The following NUMA1 variants were observed in gnomAD, a reference collection of about 807,000 sequenced individuals.
The protein encoded by NUMA1 is SP-H antigen.
NUMA1 carries 62 observed loss-of-function variants against 237.1 expected under a neutral mutation model. That is an observed-to-expected ratio of 0.26 (90% CI 0.21 to 0.32). The LOEUF is 0.32. Among genes scored for constraint, NUMA1 ranks in the 10% least tolerant of loss-of-function variants. NUMA1 has a pLI of 1.00. For missense variants in NUMA1, 2,533 were observed against 2,666.5 expected (o/e 0.95, Z 1.10); for synonymous variants, 1,028 against 1,066.1 (o/e 0.96, Z 0.70).
At chr11:72,047,750 A>G (rs1004406742) in intron 2 of NUMA1, 2 of 152,202 alleles carry the variant, frequency 1.3e-5, no homozygotes, top group Admixed American at 6.5e-5. Context: ...ACGAATTACA[A>G]CAGTAACAGC....
intron 3 of NUMA1, among the ~76,000 whole-genome samples, chr11:72,034,768 G>A (rs898581165): frequency 2.0e-5 from 3 of 151,932 alleles, no homozygotes; most frequent in African/African-American, 7.3e-5. Flanking sequence ...AGAGACCAGT[G>A]CTGTGATTCT....
chr11:72,008,602 C>T lies in NUMA1; in HGVS notation c.5216+86G>A, dbSNP rs748086913. ...TTCTTCTCTAAGAATAAATTTAGAT[C>T]ACATCTTATTTATCTCACTAGGATA... On this transcript the variant is annotated intron_variant, in intron 20 of 26. Coordinates refer to ENST00000393695, the MANE Select transcript of NUMA1 (RefSeq NM_006185.4). 15 of 1,399,924 alleles carry T rather than the reference C, an allele frequency of 1.1e-5. No individual in the cohort carries two copies. In the South Asian group the frequency reaches 1.5e-4, roughly 14 times the overall value. 86.7% of individuals were successfully genotyped at this position (1,399,924 alleles called of 1,614,324 possible). A position where few individuals can be genotyped will look rare whatever the true frequency, so the allele number is the denominator to read the frequency against.
At chr11:72,005,668 G>A (rs1159475756) in intron 22 of NUMA1, 2 of 501,908 alleles carry the variant, frequency 4.0e-6, no homozygotes, top group African/African-American at 4.0e-5. Flanking sequence ...TAAGGACCGG[G>A]AATTAATTCC....
At chr11:72,041,802 GGGAATCTCTCC>G (rs1203614946) in intron 2 of NUMA1, 1 of 152,392 alleles carries the variant, frequency 6.6e-6, no homozygotes, top group African/African-American at 2.4e-5. Flanking sequence ...CATTCCCCGA[GGGAATCTCTCC>G]AGCCCATACC....
intron 1 of NUMA1, 151 bp from the exon 2 acceptor site, chr11:72,070,062 G>C (rs954912333): frequency 6.6e-6 from 1 of 152,184 alleles, no homozygotes; most frequent in Non-Finnish European, 1.5e-5. Context: ...AGGTCAACGG[G>C]GTGAGTCAGT....
rs371247021 is a variant in NUMA1, at chr11:72,014,069, C to A, written c.3434G>T (p.Ser1145Ile). The A allele has an allele frequency of 2.5e-5, 41 of 1,610,772 alleles. No homozygotes were observed. The highest frequency in any genetic ancestry group is 3.5e-5 in the Non-Finnish European group (41 of 1,180,010). The change falls in exon 15 of 27, where the codon AGC becomes ATC. Residue 1145 changes from serine to isoleucine, a missense_variant. Around this residue, in one of 3 missense-constraint regions of NUMA1, gnomAD observed 1,414 missense variants for 1,508.1 expected, o/e 0.94. Coordinates refer to ENST00000393695, the MANE Select transcript of NUMA1 (RefSeq NM_006185.4). The surrounding 1 kb of genome is among the most constrained non-coding windows in gnomAD (Gnocchi z 4.6). Reference protein sequence around the residue: ...QCQKQQEQADSLERSLEAERA... With the variant: ...QCQKQQEQADILERSLEAERA... ...CTCAGCCTCGAGGCTGCGTTCCAGG[C>A]TGTCAGCCTGCTCCTGCTGCTTCTG...
At chr11:72,048,538 A>AT (rs1347939117) in intron 2 of NUMA1, among the ~76,000 whole-genome samples, 2 of 151,814 alleles carry the variant, frequency 1.3e-5, no homozygotes, top group African/African-American at 2.4e-5. Context: ...TGCCGGTCTA[A>AT]TTTTTTTTAT....
chr11:72,030,929 C>T (rs1031040024), intron 3 of NUMA1, among the ~76,000 whole-genome samples: 4 of 152,156 alleles, frequency 2.6e-5, no homozygotes, highest in African/African-American at 9.7e-5. Context: ...GATGGAATCC[C>T]TACTTTATCT....
chr11:72,004,815 G>T lies in NUMA1; in HGVS notation c.5831C>A (p.Pro1944His). 1 of 1,564,736 alleles carries T rather than the reference G, an allele frequency of 6.4e-7. No homozygotes were observed. The highest frequency in any genetic ancestry group is 1.2e-5 in the South Asian group (1 of 82,696). Residue 1944 changes from proline (P) to histidine (H), a missense_variant and splice_region_variant, in exon 24 of 27, where the codon CCT becomes CAT. Coordinates refer to ENST00000393695, the MANE Select transcript of NUMA1 (RefSeq NM_006185.4). ...LKTCYPLESR[P>H]SLSLGTITDE... ...TGTGATGGTGCCCAGGCTCAGGGAAGGCTGCATGGGTGGAAGAGGTGGTCA... is the reference window on the plus strand; with the variant it reads ...TGTGATGGTGCCCAGGCTCAGGGAATGCTGCATGGGTGGAAGAGGTGGTCA...
At position 72,014,698 on chromosome 11, in the gene NUMA1, C is replaced by G; in HGVS notation, c.2805G>C (p.Arg935=). Residue 935 remains arginine, a synonymous_variant, in exon 15 of 27, where the codon CGG becomes CGC. Coordinates refer to ENST00000393695, the MANE Select transcript of NUMA1 (RefSeq NM_006185.4). The surrounding 1 kb of genome is among the most constrained non-coding windows in gnomAD (Gnocchi z 4.6). ...CCCTCGCAGGCTCCTTGACTAACTCCCGGGAGGCTGTTTCCTGCTGCTCAC... is the reference window on the plus strand; with the variant it reads ...CCCTCGCAGGCTCCTTGACTAACTCGCGGGAGGCTGTTTCCTGCTGCTCAC... ...KAGEQQETAS[R]ELVKEPARAG... is the part of the protein sequence containing the mutation. 1 of 1,613,892 alleles carries G rather than the reference C, an allele frequency of 6.2e-7. No homozygotes were observed. The highest frequency in any genetic ancestry group is 8.5e-7 in the Non-Finnish European group (1 of 1,180,040).
At chr11:72,060,906 C>A (rs1260317967) in intron 2 of NUMA1, among the ~76,000 whole-genome samples, 2 of 151,832 alleles carry the variant, frequency 1.3e-5, no homozygotes, top group Non-Finnish European at 2.9e-5. Context: ...CCCATCTCTA[C>A]TAAAAATACA....
Position 72,024,275 on chromosome 11 carries a change from C to T in NUMA1, c.207G>A (p.Gln69=). The change falls in exon 5 of 27, where the codon CAG becomes CAA. Residue 69 remains glutamine, a splice_region_variant and synonymous_variant. Transcript: ENST00000393695. ...ERLDFVCSFL[Q]KNRKHPSSPE... is the part of the protein sequence containing the mutation. ...TAGCTGGATAAGAAAGGTGCTTACT[C>T]TGCAGAAAACTGCACACAAAGTCCA... 1 of 1,614,072 alleles carries T rather than the reference C, an allele frequency of 6.2e-7. No individual in the cohort carries two copies. Among genetic ancestry groups the T allele is most frequent in the Non-Finnish European group, 8.5e-7 (1 of 1,179,912 alleles).
chr11:72,055,097 A>G (rs184621070), intron 2 of NUMA1, among the ~76,000 whole-genome samples: 79 of 152,340 alleles, frequency 5.2e-4, no homozygotes, highest in African/African-American at 1.7e-3. Flanking sequence ...GTCAACAAAA[A>G]AAAATGAGAC....
At position 72,009,280 on chromosome 11, in the gene NUMA1, G is replaced by C. The variant is rs1346512926; in HGVS notation, c.4827C>G (p.His1609Gln). 2 of 1,613,218 alleles carry C rather than the reference G, an allele frequency of 1.2e-6. No individual in the cohort carries two copies. Among genetic ancestry groups the C allele is most frequent in the Non-Finnish European group, 1.7e-6 (2 of 1,179,914 alleles). ...CTGGGCTCCTTACCTGCAGCTTATA[G>C]TGCTCAGCTGCCTGCTCCTTCTGGC... ...QLSQKEQAAEHYKLQMEKAKT... is the reference protein window; with the variant it reads ...QLSQKEQAAEQYKLQMEKAKT... Residue 1609 changes from histidine to glutamine, a missense_variant, in exon 18 of 27, where the codon CAC (histidine) becomes CAG (glutamine). His to Gln is a conservative substitution (Grantham distance 24). Around this residue, in one of 3 missense-constraint regions of NUMA1, gnomAD observed 795 missense variants for 750.8 expected, o/e 1.06. Coordinates refer to ENST00000393695, the MANE Select transcript of NUMA1 (RefSeq NM_006185.4).
chr11:72,058,035 C>T (rs1471322705), intron 2 of NUMA1, among the ~76,000 whole-genome samples: 1 of 151,948 alleles, frequency 6.6e-6, no homozygotes, highest in Non-Finnish European at 1.5e-5. Context: ...TGTGCCACTG[C>T]ATTACAGCCT....
At chr11:72,034,248 T>A (rs1420002288) in intron 3 of NUMA1, among the ~76,000 whole-genome samples, 1 of 152,220 alleles carries the variant, frequency 6.6e-6, no homozygotes, top group Non-Finnish European at 1.5e-5. Flanking sequence ...CTATGATTTA[T>A]TGAGATAACA....
At chr11:72,046,765 A>T (rs1942024724) in intron 2 of NUMA1, among the ~76,000 whole-genome samples, 1 of 151,638 alleles carries the variant, frequency 6.6e-6, no homozygotes, top group Non-Finnish European at 1.5e-5. Context: ...TTCAAGACCA[A>T]CCTATCCAAC....
rs1475806141 is a variant in NUMA1, at chr11:72,018,616, T to C, written c.743-103A>G. On this transcript the variant is annotated intron_variant, in intron 10 of 26. Coordinates refer to ENST00000393695, the MANE Select transcript of NUMA1 (RefSeq NM_006185.4). Reference sequence around the variant, plus strand: ...CACAAGGGGAAGGGAGGAGACGGCATAGGGAAGAGGAGGAATATGGTATCC... The same window carrying C: ...CACAAGGGGAAGGGAGGAGACGGCACAGGGAAGAGGAGGAATATGGTATCC... 3.6e-6 allele frequency: 4 copies of C among 1,103,514 alleles called. No individual in the cohort carries two copies. In the African/African-American group the frequency reaches 6.2e-5, roughly 17 times the overall value. 68.4% of individuals were successfully genotyped at this position (1,103,514 alleles called of 1,614,324 possible).
At chr11:72,063,862 A>G (rs4387373) in intron 2 of NUMA1, among the ~76,000 whole-genome samples, 139,049 of 149,980 alleles carry the variant, frequency 0.93, 64,701 homozygotes, top group Non-Finnish European at 0.98. Context: ...GGCTGAAGCC[A>G]TAATAAGCTG....
Sources: allele counts gnomAD v4.1 joint callset (sites outside exome capture counted in the v4.1 genomes callset), GRCh38; gene constraint gnomAD v4.1.1; regional missense constraint gnomAD v4.1.1; non-coding constraint Gnocchi (gnomAD v3.1); transcripts MANE v1.5; gene names NCBI Gene and HGNC (gene_info 2026-07-23, HGNC 2026-07-21).